The following FIGN variants were observed in gnomAD, a reference collection of about 807,000 sequenced individuals.
FIGN encodes fidgetin.
A neutral mutation model predicts 51.3 loss-of-function variants in FIGN; 11 were observed. The observed-to-expected ratio is 0.21, with a 90% CI of 0.13 to 0.35. The LOEUF is 0.35. Among genes scored for constraint, FIGN ranks in the 10% least tolerant of loss-of-function variants. The pLI, the probability that FIGN is intolerant of heterozygous loss-of-function variation, is 1.00. For synonymous variants in FIGN, 407 were observed against 363.2 expected, an observed-to-expected ratio of 1.12 and a Z score of -1.37; for missense variants, 857 against 943.6, an observed-to-expected ratio of 0.91 and a Z score of 1.20.
intron 2 of FIGN, among the ~76,000 whole-genome samples, chr2:163,689,465 G>A (rs545608669): frequency 6.6e-6 from 1 of 152,122 alleles, no homozygotes; most frequent in South Asian, 2.1e-4. Flanking sequence ...GCATGCCTTA[G>A]ACAATCAGAA....
At chr2:163,617,383 G>A (rs559553602) in intron 2 of FIGN, 58 of 246,476 alleles carry the variant, frequency 2.4e-4, no homozygotes, top group African/African-American at 1.3e-3. Flanking sequence ...CTAAAAAGGA[G>A]GATCCATTTT....
At chr2:163,732,672 T>C (rs2105370228) in intron 2 of FIGN, among the ~76,000 whole-genome samples, 1 of 152,376 alleles carries the variant, frequency 6.6e-6, no homozygotes, top group East Asian at 1.9e-4. Context: ...GAAATCCTAA[T>C]AAATAGATCT....
chr2:163,715,729 A>G (rs1458501344), intron 2 of FIGN, among the ~76,000 whole-genome samples: 2 of 152,240 alleles, frequency 1.3e-5, no homozygotes, highest in Admixed American at 1.3e-4. Context: ...GGTTGTGGAT[A>G]TGCATTAGAA....
At chr2:163,649,088 A>G (rs778295756) in intron 2 of FIGN, among the ~76,000 whole-genome samples, 46 of 152,306 alleles carry the variant, frequency 3.0e-4, no homozygotes, top group South Asian at 2.1e-3. Flanking sequence ...AGAGGAAATC[A>G]TCTCATATGT....
At position 163,629,952 on chromosome 2, in the gene FIGN, C is replaced by CTTTTTTTTTTTTTTT. The variant is rs71297448; in HGVS notation, c.26-18161_26-18147dup. On this transcript the variant is annotated intron_variant, in intron 2 of 2. Transcript: ENST00000333129. ...CCAACATAGGGTGAAGAAAGGGGCA[C>CTTTTTTTTTTTTTTT]TTTTTTTTTTTTTTTTTTTTTTTTT... Among the ~76,000 whole-genome samples, 17 of 56,928 alleles carry CTTTTTTTTTTTTTTT rather than the reference C, an allele frequency of 3.0e-4. 1 individual carries two copies. Among genetic ancestry groups the CTTTTTTTTTTTTTTT allele is most frequent in the African/African-American group, 1.3e-3 (17 of 13,352 alleles). 37.3% of individuals were successfully genotyped at this position (56,928 alleles called of 152,430 possible). A position where few individuals can be genotyped will look rare whatever the true frequency, so the allele number is the denominator to read the frequency against.
chr2:163,694,070 A>G (rs1175142804), intron 2 of FIGN, among the ~76,000 whole-genome samples: 1 of 152,138 alleles, frequency 6.6e-6, no homozygotes, highest in African/African-American at 2.4e-5. Flanking sequence ...TCATGCCTAG[A>G]CGGGGCTGCA....
At chr2:163,656,031 A>G (rs1461653766) in intron 2 of FIGN, among the ~76,000 whole-genome samples, 1 of 152,202 alleles carries the variant, frequency 6.6e-6, no homozygotes, top group Non-Finnish European at 1.5e-5. Flanking sequence ...GAATTAAACG[A>G]CTGAGATTAG....
At chr2:163,651,749 T>C (rs1361843505) in intron 2 of FIGN, among the ~76,000 whole-genome samples, 1 of 152,180 alleles carries the variant, frequency 6.6e-6, no homozygotes, top group Non-Finnish European at 1.5e-5. Flanking sequence ...CAGTTCATTC[T>C]GTTTAGGAGA....
chr2:163,703,657 C>T (rs1256881159), intron 2 of FIGN, among the ~76,000 whole-genome samples: 1 of 152,024 alleles, frequency 6.6e-6, no homozygotes, highest in African/African-American at 2.4e-5. Flanking sequence ...TTGTAGGGCT[C>T]CTTACTGAGG....
Position 163,610,101 on chromosome 2 carries a change from G to C in FIGN, c.1731C>G (p.Arg577=). Reference sequence around the variant, plus strand: ...CACTAACAAAAATCACCGAGGGCTGGCGACACCTGGCCACAAGAAAAGAGG... The same window carrying C: ...CACTAACAAAAATCACCGAGGGCTGCCGACACCTGGCCACAAGAAAAGAGG... The part of the protein sequence containing the change: ...IHASFLVARC[R]QPSVIFVSDI... Residue 577 remains arginine, a synonymous_variant, in exon 3 of 3, where the codon CGC becomes CGG. Coordinates refer to ENST00000333129, the MANE Select transcript of FIGN (RefSeq NM_018086.4). 6.2e-7 allele frequency: 1 copy of C among 1,613,906 alleles called. No individual in the cohort carries two copies. The highest frequency in any genetic ancestry group is 8.5e-7 in the Non-Finnish European group (1 of 1,179,840).
At chr2:163,644,816 A>C (rs1383626697) in intron 2 of FIGN, among the ~76,000 whole-genome samples, 1 of 152,246 alleles carries the variant, frequency 6.6e-6, no homozygotes, top group African/African-American at 2.4e-5. Context: ...GAAAGAAGCC[A>C]GACAAAAATA....
At chr2:163,671,249 AG>A (rs1218253843) in intron 2 of FIGN, among the ~76,000 whole-genome samples, 3 of 152,294 alleles carry the variant, frequency 2.0e-5, no homozygotes, top group Non-Finnish European at 2.9e-5. Context: ...ACAGTTGAGG[AG>A]GTTTTATAAA....
chr2:163,699,751 C>A (rs1478067107), intron 2 of FIGN, among the ~76,000 whole-genome samples: 1 of 152,054 alleles, frequency 6.6e-6, no homozygotes, highest in Non-Finnish European at 1.5e-5. Context: ...AATAGAAGAG[C>A]TATTGCCAAA....
At chr2:163,674,151 T>A (rs1683921458) in intron 2 of FIGN, among the ~76,000 whole-genome samples, 1 of 152,208 alleles carries the variant, frequency 6.6e-6, no homozygotes, top group African/African-American at 2.4e-5. Context: ...AATTGGAAGT[T>A]ACCTGAAAAG....
intron 2 of FIGN, among the ~76,000 whole-genome samples, chr2:163,685,792 G>A (rs1243481394): frequency 6.6e-6 from 1 of 152,216 alleles, no homozygotes; most frequent in African/African-American, 2.4e-5. Flanking sequence ...ACCCAGGTGT[G>A]CTCGCCAGTA....
chr2:163,701,775 C>G (rs1684411527), intron 2 of FIGN, among the ~76,000 whole-genome samples: 1 of 152,126 alleles, frequency 6.6e-6, no homozygotes, highest in African/African-American at 2.4e-5. Flanking sequence ...ATTAAGATTT[C>G]TTACCAGTCG....
rs1684918618 is a variant in FIGN, at chr2:163,730,958, G to C, written c.25+3945C>G. Among the ~76,000 whole-genome samples the C allele has an allele frequency of 3.9e-5, 6 of 152,120 alleles. No individual in the cohort carries two copies. In the South Asian group the frequency reaches 1.2e-3, roughly 31 times the overall value. On this transcript the variant is annotated intron_variant, in intron 2 of 2. Coordinates refer to ENST00000333129, the MANE Select transcript of FIGN (RefSeq NM_018086.4). ...GAATATATTGATCAAAGGTAAAATAGCACCTTTCTATTTCTATTAAACCAA... is the reference window on the plus strand; with the variant it reads ...GAATATATTGATCAAAGGTAAAATACCACCTTTCTATTTCTATTAAACCAA...
intron 2 of FIGN, among the ~76,000 whole-genome samples, chr2:163,719,282 T>A (rs567536212): frequency 1.3e-5 from 2 of 152,310 alleles, no homozygotes; most frequent in South Asian, 4.1e-4. Context: ...TATTTACATC[T>A]ACATTACTTT....
At chr2:163,633,560 C>T (rs1471845723) in intron 2 of FIGN, among the ~76,000 whole-genome samples, 1 of 152,154 alleles carries the variant, frequency 6.6e-6, no homozygotes, top group Non-Finnish European at 1.5e-5. Flanking sequence ...TAGAGGATTT[C>T]CAGGTTTCTT....
Sources: allele counts gnomAD v4.1 joint callset (sites outside exome capture counted in the v4.1 genomes callset), GRCh38; gene constraint gnomAD v4.1.1; transcripts MANE v1.5; gene names NCBI Gene and HGNC (gene_info 2026-07-23, HGNC 2026-07-21).